Variants in BABAM2 observed in about 807,000 individuals in gnomAD.
The protein encoded by BABAM2 is BRISC and BRCA1 A complex member 2, also known as BRISC and BRCA1-A complex member 2.
Under a neutral mutation model 54.7 loss-of-function variants are expected in BABAM2, and 31 were observed. That is an observed-to-expected ratio of 0.57 (90% CI 0.43 to 0.77). BABAM2 has a LOEUF of 0.77. Ranked by LOEUF, BABAM2 falls within the 30% of genes least tolerant of loss-of-function variation. The pLI, the probability that BABAM2 is intolerant of heterozygous loss-of-function variation, is 0.00. For missense variants in BABAM2, 364 were observed against 455.8 expected, an observed-to-expected ratio of 0.80 and a Z score of 1.83; for synonymous variants, 167 against 162.9, an observed-to-expected ratio of 1.03 and a Z score of -0.19.
chr2:27,920,034 A>AT (rs1246466683), intron 2 of BABAM2, among the ~76,000 whole-genome samples: 1 of 152,198 alleles, frequency 6.6e-6, no homozygotes, highest in African/African-American at 2.4e-5. Context: ...TAAATGTATC[A>AT]TTTTTTCTAG....
At chr2:27,960,432 A>G (rs1182082809) in intron 3 of BABAM2, among the ~76,000 whole-genome samples, 7 of 151,960 alleles carry the variant, frequency 4.6e-5, no homozygotes, top group Admixed American at 3.9e-4. Flanking sequence ...TGAACTCAGA[A>G]TTCAAAGAAA....
intron 10 of BABAM2, among the ~76,000 whole-genome samples, chr2:28,291,024 A>G (rs777129370): frequency 4.6e-5 from 7 of 152,350 alleles, no homozygotes; most frequent in Non-Finnish European, 7.3e-5. Flanking sequence ...AAAGAAATGA[A>G]CACATACTGA....
At chr2:28,333,401 G>T (rs769789176) in intron 11 of BABAM2, among the ~76,000 whole-genome samples, 1 of 152,086 alleles carries the variant, frequency 6.6e-6, no homozygotes, top group Non-Finnish European at 1.5e-5. Context: ...GTAGGTGAGG[G>T]AGCTGAAGCC....
In BABAM2 at chr2:28,338,742, C is replaced by T; in HGVS notation, c.*229C>T. 6.2e-6 allele frequency: 3 copies of T among 487,316 alleles called. No homozygotes were observed. Among genetic ancestry groups the T allele is most frequent in the Non-Finnish European group, 1.1e-5 (3 of 272,810 alleles). 30.2% of individuals were successfully genotyped at this position (487,316 alleles called of 1,614,324 possible). ...TCGGGTTACTCCCTCTTTCTTGCCT[C>T]TATTTCTTAGTTGGAAGAAATAAAC... On this transcript the variant is annotated 3_prime_UTR_variant, in exon 12 of 12. Transcript: ENST00000379624.
intron 7 of BABAM2, among the ~76,000 whole-genome samples, chr2:28,163,480 A>C (rs1319700396): frequency 6.6e-6 from 1 of 152,168 alleles, no homozygotes; most frequent in African/African-American, 2.4e-5. Context: ...GAAAATGTAC[A>C]CATGGTGCTG....
chr2:28,098,606 A>G (rs116733012), intron 6 of BABAM2, among the ~76,000 whole-genome samples: 2,851 of 152,294 alleles, frequency 0.019, 47 homozygotes, highest in Middle Eastern at 0.031. Flanking sequence ...TTCCCTATGA[A>G]CTAGGAAATA....
chr2:28,171,054 C>T (rs1674264987), intron 7 of BABAM2, among the ~76,000 whole-genome samples: 1 of 151,732 alleles, frequency 6.6e-6, no homozygotes, highest in Non-Finnish European at 1.5e-5. Flanking sequence ...TGAACATATC[C>T]TTTCTGTCAT....
intron 3 of BABAM2, among the ~76,000 whole-genome samples, chr2:27,940,368 C>G (rs1475500741): frequency 6.6e-6 from 1 of 152,098 alleles, no homozygotes; most frequent in African/African-American, 2.4e-5. Flanking sequence ...TTAAATAGGG[C>G]AAAGAGTGAG....
intron 10 of BABAM2, among the ~76,000 whole-genome samples, chr2:28,283,902 C>T (rs1320564422): frequency 2.0e-5 from 3 of 152,160 alleles, no homozygotes; most frequent in South Asian, 2.1e-4. Context: ...TTAGAGCTTT[C>T]AAAAACAAAC....
intron 6 of BABAM2, among the ~76,000 whole-genome samples, chr2:28,120,647 G>A (rs1436018396): frequency 6.6e-6 from 1 of 152,340 alleles, no homozygotes; most frequent in East Asian, 1.9e-4. Context: ...CGGAATAAAT[G>A]TTAGCTGATA....
At chr2:27,998,933 G>T (rs77526423) in intron 4 of BABAM2, among the ~76,000 whole-genome samples, 2,085 of 152,258 alleles carry the variant, frequency 0.014, 55 homozygotes, top group African/African-American at 0.047. Flanking sequence ...CCTTTCAAGA[G>T]GACTTTGGTT....
intron 10 of BABAM2, among the ~76,000 whole-genome samples, chr2:28,296,780 C>T (rs549234320): frequency 3.9e-5 from 6 of 152,256 alleles, no homozygotes; most frequent in Admixed American, 6.5e-5. Context: ...ATCCGCCTCC[C>T]GGATTCAAGC....
intron 4 of BABAM2, among the ~76,000 whole-genome samples, chr2:27,991,071 A>G (rs906693100): frequency 3.3e-5 from 5 of 152,194 alleles, no homozygotes. Context: ...GTAAACTCTC[A>G]TACAATCATT....
chr2:27,924,158 T>C (rs1667516994), intron 2 of BABAM2, among the ~76,000 whole-genome samples: 1 of 152,150 alleles, frequency 6.6e-6, no homozygotes, highest in Admixed American at 6.5e-5. Flanking sequence ...TTTTTAAACA[T>C]TACCATGGGT....
chr2:27,968,442 G>A (rs1462297217), intron 3 of BABAM2, among the ~76,000 whole-genome samples: 4 of 152,242 alleles, frequency 2.6e-5, no homozygotes, highest in Non-Finnish European at 5.9e-5. Flanking sequence ...CCAGGCAGAA[G>A]TTTCCTGCAG....
chr2:28,281,931 A>G (rs114734572), intron 10 of BABAM2, among the ~76,000 whole-genome samples: 458 of 152,296 alleles, frequency 3.0e-3, no homozygotes, highest in African/African-American at 0.01. Context: ...TCAGGGAAGG[A>G]TATGGAGATT....
At chr2:28,151,524 G>A (rs541887488) in intron 7 of BABAM2, among the ~76,000 whole-genome samples, 36 of 152,168 alleles carry the variant, frequency 2.4e-4, no homozygotes, top group Non-Finnish European at 3.7e-4. Context: ...GCAGTGAGCC[G>A]AGATCGCGCC....
chr2:28,181,719 T>C (rs1448313026), intron 7 of BABAM2, among the ~76,000 whole-genome samples: 1 of 152,058 alleles, frequency 6.6e-6, no homozygotes, highest in African/African-American at 2.4e-5. Flanking sequence ...ATTTCAGTTT[T>C]TGCCATTGAA....
At chr2:28,197,898 C>G (rs1005188553) in intron 7 of BABAM2, among the ~76,000 whole-genome samples, 3 of 152,176 alleles carry the variant, frequency 2.0e-5, no homozygotes, top group African/African-American at 7.2e-5. Flanking sequence ...AGACATCTAC[C>G]TAGCCACCAT....
Sources: gnomAD v4.1 joint callset for allele counts (sites outside exome capture counted in the v4.1 genomes callset) on GRCh38, gnomAD v4.1.1 for gene constraint, MANE v1.5 for transcripts, NCBI Gene and HGNC (gene_info 2026-07-23, HGNC 2026-07-21) for gene names.